Variants in CDH18 observed in about 807,000 individuals in gnomAD.
CDH18 encodes the protein cadherin-18.
CDH18 carries 31 observed loss-of-function variants against 67.9 expected under a neutral mutation model. That is an observed-to-expected ratio of 0.46 (90% confidence interval 0.34 to 0.62). The LOEUF is 0.62. Ranked by LOEUF, CDH18 falls within the 20% of genes least tolerant of loss-of-function variation. The pLI is 0.01. For synonymous variants in CDH18, 362 were observed against 347.2 expected, an observed-to-expected ratio of 1.04 and a Z score of -0.48; for missense variants, 890 against 975.5, an observed-to-expected ratio of 0.91 and a Z score of 1.17.
At chr5:19,999,878 C>G (rs1736306845) in intron 2 of CDH18, among the ~76,000 whole-genome samples, 1 of 152,130 alleles carries the variant, frequency 6.6e-6, no homozygotes, top group Non-Finnish European at 1.5e-5. Flanking sequence ...TCTACCAATC[C>G]AATGAATCAA....
At chr5:20,040,871 T>G (rs1013807267) in intron 2 of CDH18, among the ~76,000 whole-genome samples, 2 of 152,174 alleles carry the variant, frequency 1.3e-5, no homozygotes, top group African/African-American at 4.8e-5. Flanking sequence ...CCTCAAACTA[T>G]GAAATAACAT....
intron 2 of CDH18, among the ~76,000 whole-genome samples, chr5:20,138,803 T>C (rs938209653): frequency 1.3e-5 from 2 of 151,868 alleles, no homozygotes; most frequent in Admixed American, 1.3e-4. Flanking sequence ...CACTGCTCAA[T>C]GAAATAAAAG....
chr5:20,316,527 G>T (rs116783701), intron 1 of CDH18, among the ~76,000 whole-genome samples: 3 of 152,080 alleles, frequency 2.0e-5, no homozygotes, highest in Non-Finnish European at 4.4e-5. Context: ...TGTAATTGAG[G>T]CAGTGCTATT....
Position 20,444,905 on chromosome 5 carries a change from G to A in CDH18, c.-580+130557C>T, listed in dbSNP as rs922278777. The stretch of plus-strand genomic sequence containing the variant: ...TAAATTTGAGTCATTCCACTTATTC[G>A]TTGACAAATATGCCAGCTGAAAGCA... On this transcript the variant is annotated intron_variant, in intron 1 of 14. Coordinates refer to the CDH18 transcript ENST00000507958. Among the ~76,000 whole-genome samples, 4 of 151,196 alleles carry A rather than the reference G, an allele frequency of 2.6e-5. No individual in the cohort carries two copies. The South Asian group carries it at 6.2e-4, about 24-fold the overall frequency.
At chr5:20,058,879 T>C (rs910804570) in intron 2 of CDH18, among the ~76,000 whole-genome samples, 1 of 152,278 alleles carries the variant, frequency 6.6e-6, no homozygotes, top group South Asian at 2.1e-4. Flanking sequence ...GCTGGCCCAG[T>C]TGGAACTAGT....
chr5:19,762,484 T>C (rs1772494999), intron 3 of CDH18, among the ~76,000 whole-genome samples: 1 of 152,098 alleles, frequency 6.6e-6, no homozygotes, highest in African/African-American at 2.4e-5. Flanking sequence ...AACAGACACA[T>C]GAAATAATGC....
At chr5:20,469,358 A>AT (rs745751086) in intron 1 of CDH18, among the ~76,000 whole-genome samples, 28 of 151,802 alleles carry the variant, frequency 1.8e-4, no homozygotes, top group African/African-American at 2.9e-4. Flanking sequence ...AGCAGAAAGC[A>AT]TTTTTTCTAA....
chr5:19,974,279 T>C (rs1329189552), intron 2 of CDH18, among the ~76,000 whole-genome samples: 2 of 151,816 alleles, frequency 1.3e-5, no homozygotes, highest in South Asian at 4.2e-4. Context: ...GATGGAAGTT[T>C]CCACCAATTT....
chr5:20,404,077 C>T (rs2150133269), intron 1 of CDH18, among the ~76,000 whole-genome samples: 1 of 152,304 alleles, frequency 6.6e-6, no homozygotes, highest in East Asian at 1.9e-4. Flanking sequence ...AGTGAACCAA[C>T]TTCCACTAGC....
At chr5:20,480,420 T>C (rs2150253844) in intron 1 of CDH18, among the ~76,000 whole-genome samples, 1 of 152,156 alleles carries the variant, frequency 6.6e-6, no homozygotes, top group African/African-American at 2.4e-5. Context: ...AGTCTTTTTG[T>C]TTTTGTTTTT....
At chr5:20,066,954 C>T (rs1743030030) in intron 2 of CDH18, among the ~76,000 whole-genome samples, 1 of 151,630 alleles carries the variant, frequency 6.6e-6, no homozygotes, top group Non-Finnish European at 1.5e-5. Context: ...TCCAGCCCTC[C>T]ATATCCATGG....
At chr5:20,064,026 T>C (rs1402457047) in intron 2 of CDH18, among the ~76,000 whole-genome samples, 1 of 152,226 alleles carries the variant, frequency 6.6e-6, no homozygotes, top group Non-Finnish European at 1.5e-5. Context: ...TTTGTGTTGT[T>C]CCTTATGTTG....
chr5:20,424,296 G>A (rs990683216), intron 1 of CDH18, among the ~76,000 whole-genome samples: 7 of 150,864 alleles, frequency 4.6e-5, no homozygotes, highest in African/African-American at 1.7e-4. Flanking sequence ...TGTTTTCATC[G>A]AGAGGATCTG....
chr5:19,959,426 T>C (rs1156511475), intron 2 of CDH18, among the ~76,000 whole-genome samples: 1 of 152,102 alleles, frequency 6.6e-6, no homozygotes, highest in Non-Finnish European at 1.5e-5. Context: ...ATACATTTTA[T>C]AAACATAATT....
chr5:20,480,169 A>G lies in CDH18; in HGVS notation c.-580+95293T>C, dbSNP rs112762330. Among the ~76,000 whole-genome samples, 67 of 152,332 alleles carry G rather than the reference A, an allele frequency of 4.4e-4. 2 individuals carry two copies. Among genetic ancestry groups the G allele is most frequent in the African/African-American group, 1.4e-3 (59 of 41,584 alleles). On this transcript the variant is annotated intron_variant, in intron 1 of 14. Coordinates refer to the CDH18 transcript ENST00000507958. ...CTCAGTCTGAAATAAAATAATATTT[A>G]TGAGCAATAAGAAAGTATTTGAAGG...
intron 7 of CDH18, among the ~76,000 whole-genome samples, chr5:19,574,942 G>A (rs1742076776): frequency 6.6e-6 from 1 of 152,128 alleles, no homozygotes; most frequent in Non-Finnish European, 1.5e-5. Context: ...GGGAGGCTGA[G>A]GCAGGAGAAT....
At chr5:20,489,582 T>G in intron 1 of CDH18, among the ~76,000 whole-genome samples, 1 of 152,202 alleles carries the variant, frequency 6.6e-6, no homozygotes, top group East Asian at 1.9e-4. Context: ...TAATTCACAG[T>G]AAGTTTGTAA....
intron 1 of CDH18, among the ~76,000 whole-genome samples, chr5:20,269,840 C>T (rs910769239): frequency 6.6e-6 from 1 of 151,926 alleles, no homozygotes; most frequent in African/African-American, 2.4e-5. Context: ...ATGAATGTAA[C>T]AAAATTGCAC....
Position 19,836,637 on chromosome 5 carries a change from T to C in CDH18, c.228+2122A>G, listed in dbSNP as rs191186288. Among the ~76,000 whole-genome samples the C allele has an allele frequency of 6.5e-3, 987 of 152,310 alleles. 8 individuals are homozygous for C. The highest frequency in any genetic ancestry group is 0.01 in the Non-Finnish European group (701 of 68,034). ...TTAGGTTGCCTGTTCACTCTGATGA[T>C]AGCTTCTTTTGCTGTGCAGAGGCTC... On this transcript the variant is annotated intron_variant, in intron 3 of 12. Transcript: ENST00000382275.
Sources: allele counts gnomAD v4.1 joint callset (sites outside exome capture counted in the v4.1 genomes callset), GRCh38; gene constraint gnomAD v4.1.1; transcripts MANE v1.5; gene names NCBI Gene and HGNC (gene_info 2026-07-23, HGNC 2026-07-21).